PKNOX2: variants seen among roughly 807,000 people sequenced by gnomAD.
PKNOX2 encodes homeobox protein PKNOX2.
Under a neutral mutation model 53.1 loss-of-function variants are expected in PKNOX2, and 14 were observed. That is an observed-to-expected ratio of 0.26 (90% CI 0.17 to 0.41). The LOEUF is 0.41. Ranked by LOEUF, PKNOX2 falls within the 10% of genes least tolerant of loss-of-function variation. PKNOX2 has a pLI of 1.00. For synonymous variants in PKNOX2, 257 were observed against 242.8 expected (o/e 1.06, Z -0.54); for missense variants, 496 against 602.8 (o/e 0.82, Z 1.85).
chr11:125,329,661 G>C (rs965630139), intron 2 of PKNOX2, among the ~76,000 whole-genome samples: 1 of 152,180 alleles, frequency 6.6e-6, no homozygotes, highest in Non-Finnish European at 1.5e-5. Context: ...TGGCTGTGGA[G>C]GTAGCAGCCA....
chr11:125,377,499 G>A (rs948441610), intron 5 of PKNOX2, among the ~76,000 whole-genome samples: 4 of 152,160 alleles, frequency 2.6e-5, no homozygotes, highest in Non-Finnish European at 5.9e-5. Flanking sequence ...AAAGTCATGG[G>A]CACACGAGAG....
intron 5 of PKNOX2, among the ~76,000 whole-genome samples, chr11:125,384,680 G>T (rs760915784): frequency 4.6e-5 from 7 of 151,886 alleles, no homozygotes; most frequent in African/African-American, 1.7e-4. Context: ...GCGAGACTCC[G>T]TCTCAAAAAA....
intron 4 of PKNOX2, among the ~76,000 whole-genome samples, chr11:125,361,798 A>C (rs1409396039): frequency 6.6e-6 from 1 of 152,194 alleles, no homozygotes; most frequent in African/African-American, 2.4e-5. Context: ...AGGAAGTCTG[A>C]AGGGAAGTTG....
At chr11:125,382,053 AC>A (rs1188170341) in intron 5 of PKNOX2, among the ~76,000 whole-genome samples, 16 of 152,208 alleles carry the variant, frequency 1.1e-4, no homozygotes, top group African/African-American at 3.6e-4. Flanking sequence ...TCCCGTCCTT[AC>A]CCCACATGCC....
At chr11:125,311,006 G>A (rs1948769226) in intron 2 of PKNOX2, among the ~76,000 whole-genome samples, 1 of 152,046 alleles carries the variant, frequency 6.6e-6, no homozygotes, top group South Asian at 2.1e-4. Context: ...AGAGAACAGG[G>A]AGAGAATGTG....
intron 6 of PKNOX2, among the ~76,000 whole-genome samples, chr11:125,397,322 T>TA (rs1213483520): frequency 6.6e-6 from 1 of 152,220 alleles, no homozygotes; most frequent in Non-Finnish European, 1.5e-5. Flanking sequence ...TGTTTAAGAA[T>TA]AGACAGTCCC....
At chr11:125,295,240 A>G (rs1360506446) in intron 2 of PKNOX2, among the ~76,000 whole-genome samples, 1 of 152,246 alleles carries the variant, frequency 6.6e-6, no homozygotes, top group African/African-American at 2.4e-5. Context: ...TGAACAAGGT[A>G]GCATGAAAAG....
chr11:125,212,601 T>C (rs1391247654), intron 1 of PKNOX2, among the ~76,000 whole-genome samples: 1 of 149,988 alleles, frequency 6.7e-6, no homozygotes, highest in Non-Finnish European at 1.5e-5. Context: ...GAGCTCGGTG[T>C]TGCCAGGGGA....
chr11:125,387,806 C>T (rs1406568464), intron 6 of PKNOX2, among the ~76,000 whole-genome samples: 1 of 152,148 alleles, frequency 6.6e-6, no homozygotes, highest in Admixed American at 6.5e-5. Context: ...TGGTCAATGA[C>T]TGGTTGATTG....
At chr11:125,354,783 CCA>C (rs113896927) in intron 4 of PKNOX2, among the ~76,000 whole-genome samples, 1 of 151,792 alleles carries the variant, frequency 6.6e-6, no homozygotes, top group African/African-American at 2.4e-5. Context: ...TTTTTTCTTC[CCA>C]TTTTAGTAGA....
At position 125,185,641 on chromosome 11, in the gene PKNOX2, A is replaced by G. The variant is rs1012795704; in HGVS notation, c.-201+20865A>G. Among the ~76,000 whole-genome samples the G allele has an allele frequency of 7.2e-5, 11 of 152,160 alleles. No homozygotes were observed. The South Asian group carries it at 1.0e-3, about 14-fold the overall frequency. ...TTTGTGTATGGTTGTTTCACTTAGCATAATGTTTTTAAGATTCATCTGTGC... is the reference window on the plus strand; with the variant it reads ...TTTGTGTATGGTTGTTTCACTTAGCGTAATGTTTTTAAGATTCATCTGTGC... On this transcript the variant is annotated intron_variant, in intron 1 of 12. Coordinates refer to ENST00000298282, the MANE Select transcript of PKNOX2 (RefSeq NM_001382323.2).
chr11:125,323,872 T>C (rs1172028297), intron 2 of PKNOX2, among the ~76,000 whole-genome samples: 1 of 152,190 alleles, frequency 6.6e-6, no homozygotes, highest in Non-Finnish European at 1.5e-5. Flanking sequence ...TGTGTGTGTG[T>C]GTGTTGTCAC....
chr11:125,295,948 C>T (rs143199315), intron 2 of PKNOX2, among the ~76,000 whole-genome samples: 2 of 152,308 alleles, frequency 1.3e-5, no homozygotes, highest in African/African-American at 4.8e-5. Flanking sequence ...TGGAAGGCAG[C>T]CTTTCCATCT....
At chr11:125,408,851 GC>G (rs2135531365) in intron 7 of PKNOX2, among the ~76,000 whole-genome samples, 1 of 152,284 alleles carries the variant, frequency 6.6e-6, no homozygotes, top group Admixed American at 6.5e-5. Context: ...CCCTAGACTT[GC>G]CCTGGAGGCT....
chr11:125,415,043 T>C (rs141528727), intron 10 of PKNOX2, among the ~76,000 whole-genome samples: 98 of 152,280 alleles, frequency 6.4e-4, no homozygotes, highest in African/African-American at 2.2e-3. Flanking sequence ...GGTAGATGTG[T>C]GTGCCTCTCT....
intron 2 of PKNOX2, among the ~76,000 whole-genome samples, chr11:125,239,145 C>T (rs538535390): frequency 5.3e-5 from 8 of 152,326 alleles, no homozygotes; most frequent in East Asian, 1.9e-4. Flanking sequence ...CTGACAGAGA[C>T]GGTCAAGAAT....
chr11:125,177,639 T>C (rs1187296358), intron 1 of PKNOX2, among the ~76,000 whole-genome samples: 1 of 152,164 alleles, frequency 6.6e-6, no homozygotes, highest in Non-Finnish European at 1.5e-5. Flanking sequence ...GTTCTCATAT[T>C]CATGAGTTCC....
chr11:125,407,438 T>C (rs1955174690), intron 7 of PKNOX2, among the ~76,000 whole-genome samples: 1 of 152,234 alleles, frequency 6.6e-6, no homozygotes, highest in Non-Finnish European at 1.5e-5. Flanking sequence ...CCTTGTTGGG[T>C]ACTTTTTTGG....
intron 1 of PKNOX2, among the ~76,000 whole-genome samples, chr11:125,226,840 C>T (rs1941738282): frequency 6.6e-6 from 1 of 151,450 alleles, no homozygotes; most frequent in Non-Finnish European, 1.5e-5. Context: ...AGTTGCCTTC[C>T]CTGTTGCAGG....
Sources: allele counts gnomAD v4.1 joint callset (sites outside exome capture counted in the v4.1 genomes callset), GRCh38; gene constraint gnomAD v4.1.1; transcripts MANE v1.5; gene names NCBI Gene and HGNC (gene_info 2026-07-23, HGNC 2026-07-21).